The following TBC1D22A variants were observed in gnomAD, a reference collection of about 807,000 sequenced individuals.
TBC1D22A encodes TBC1 domain family member 22A.
In TBC1D22A, 38 loss-of-function variants were observed where a neutral mutation model predicts 60.2. The observed-to-expected ratio is 0.63, with a 90% CI of 0.49 to 0.83. TBC1D22A has a LOEUF of 0.83. Among genes scored for constraint, TBC1D22A ranks in the 40% least tolerant of loss-of-function variants. TBC1D22A has a pLI of 0.00. For missense variants in TBC1D22A, 628 were observed against 701.0 expected (o/e 0.90, Z 1.18); for synonymous variants, 302 against 281.7 (o/e 1.07, Z -0.72).
chr22:46,978,231 C>T (rs1342338037), intron 9 of TBC1D22A, among the ~76,000 whole-genome samples: 3 of 152,224 alleles, frequency 2.0e-5, no homozygotes, highest in Non-Finnish European at 2.9e-5. Context: ...TGGGACTCTG[C>T]ACTACAAACA....
chr22:47,067,538 G>A lies in TBC1D22A; in HGVS notation c.1329+30340G>A, dbSNP rs529769089. On this transcript the variant is annotated intron_variant, in intron 11 of 12. Transcript: ENST00000337137. Reference sequence around the variant, plus strand: ...GTACATCCACAGAGAATTCCCTTCTGATCAGTGCACAGTGAGTAAAGGCGC... The same window carrying A: ...GTACATCCACAGAGAATTCCCTTCTAATCAGTGCACAGTGAGTAAAGGCGC... Among the ~76,000 whole-genome samples, 10 of 152,272 alleles carry A rather than the reference G, an allele frequency of 6.6e-5. No homozygotes were observed. In the South Asian group the frequency reaches 2.1e-3, roughly 32 times the overall value.
chr22:47,167,236 G>T (rs531049662), intron 12 of TBC1D22A, among the ~76,000 whole-genome samples: 1 of 152,314 alleles, frequency 6.6e-6, no homozygotes, highest in African/African-American at 2.4e-5. Flanking sequence ...ACCCAGGCAG[G>T]TGCACAGCGG....
At position 46,872,860 on chromosome 22, in the gene TBC1D22A, A is replaced by G. The variant is rs899842579; in HGVS notation, c.638-5793A>G. ...GGGTGGGATTCTATGAGCTGGGGAA[A>G]GTCACCAAAAAGCAGTGAGTTGAAT... On this transcript the variant is annotated intron_variant, in intron 4 of 12. Coordinates refer to ENST00000337137, the MANE Select transcript of TBC1D22A (RefSeq NM_014346.5). 3.9e-5 allele frequency among the ~76,000 whole-genome samples: 6 copies of G among 152,192 alleles called. No homozygotes were observed. The East Asian group carries it at 1.2e-3, about 29-fold the overall frequency.
At chr22:46,807,938 G>A (rs1298113255) in intron 4 of TBC1D22A, among the ~76,000 whole-genome samples, 1 of 152,178 alleles carries the variant, frequency 6.6e-6, no homozygotes. Flanking sequence ...CTGCACTCCG[G>A]CCTGGGTGAC....
intron 11 of TBC1D22A, among the ~76,000 whole-genome samples, chr22:47,096,236 C>G (rs1029403759): frequency 6.6e-6 from 1 of 152,150 alleles, no homozygotes; most frequent in African/African-American, 2.4e-5. Flanking sequence ...CCTTGGCAGT[C>G]TGTGGTTTCG....
chr22:46,923,028 T>C (rs2070845275), intron 8 of TBC1D22A, among the ~76,000 whole-genome samples: 1 of 152,234 alleles, frequency 6.6e-6, no homozygotes, highest in Non-Finnish European at 1.5e-5. Flanking sequence ...CTTCCAGCTT[T>C]TGTCCATTCA....
intron 5 of TBC1D22A, among the ~76,000 whole-genome samples, chr22:46,881,910 T>C (rs183622227): frequency 6.6e-6 from 1 of 152,328 alleles, no homozygotes; most frequent in East Asian, 1.9e-4. Context: ...AGGAGAGATC[T>C]GGGAGCACAG....
In TBC1D22A at chr22:47,022,602, G is replaced by A. The variant is rs141305499; in HGVS notation, c.1202-14469G>A. Among the ~76,000 whole-genome samples, 793 of 151,982 alleles carry A rather than the reference G, an allele frequency of 5.2e-3. 10 individuals carry two copies. Among genetic ancestry groups the A allele is most frequent in the African/African-American group, 0.018 (753 of 41,446 alleles). ...AACAAAAACACCAAAGCTCTGCACGGGTTCCTTTCAGGTATTAAGCTGAAT... is the reference window on the plus strand; with the variant it reads ...AACAAAAACACCAAAGCTCTGCACGAGTTCCTTTCAGGTATTAAGCTGAAT... On this transcript the variant is annotated intron_variant, in intron 10 of 12. Transcript: ENST00000337137.
intron 8 of TBC1D22A, among the ~76,000 whole-genome samples, chr22:46,968,911 T>C (rs1372169894): frequency 6.6e-6 from 1 of 152,230 alleles, no homozygotes; most frequent in Non-Finnish European, 1.5e-5. Context: ...TACCCACCAT[T>C]CATCCACCCG....
At chr22:46,910,178 G>A (rs2069809255) in intron 7 of TBC1D22A, among the ~76,000 whole-genome samples, 1 of 152,184 alleles carries the variant, frequency 6.6e-6, no homozygotes, top group Non-Finnish European at 1.5e-5. Context: ...TCTCTCAGGT[G>A]CCTGCTGTGT....
At chr22:46,789,230 A>G (rs2084299584) in intron 1 of TBC1D22A, 1 of 254,450 alleles carries the variant, frequency 3.9e-6, no homozygotes, top group African/African-American at 2.4e-5. Context: ...GGTTCACGCC[A>G]TTCTCCTGCC....
At chr22:47,061,523 C>CA (rs1197271395) in intron 11 of TBC1D22A, among the ~76,000 whole-genome samples, 1 of 152,120 alleles carries the variant, frequency 6.6e-6, no homozygotes, top group Non-Finnish European at 1.5e-5. Flanking sequence ...AGCGCAGATC[C>CA]AAGGGTGGCT....
chr22:47,138,790 G>A (rs114270501), intron 12 of TBC1D22A, among the ~76,000 whole-genome samples: 3,262 of 152,246 alleles, frequency 0.021, 31 homozygotes, highest in Middle Eastern at 0.065. Context: ...GTGAGGGCCC[G>A]CTCCTGGTTC....
At chr22:46,937,418 A>G (rs937966438) in intron 8 of TBC1D22A, among the ~76,000 whole-genome samples, 1 of 152,326 alleles carries the variant, frequency 6.6e-6, no homozygotes, top group African/African-American at 2.4e-5. Context: ...TCTTAGCAGC[A>G]TGCATTAACC....
At chr22:47,096,581 G>T (rs906501638) in intron 11 of TBC1D22A, among the ~76,000 whole-genome samples, 8 of 152,124 alleles carry the variant, frequency 5.3e-5, no homozygotes, top group Admixed American at 1.3e-4. Flanking sequence ...CAGCACTTTG[G>T]GGGGCCGAGG....
intron 4 of TBC1D22A, among the ~76,000 whole-genome samples, chr22:46,807,793 A>G (rs1601947420): frequency 4.6e-5 from 7 of 152,112 alleles, no homozygotes; most frequent in Admixed American, 4.6e-4. Flanking sequence ...TAGGACATGA[A>G]GAGTTCGGTT....
At chr22:46,773,639 G>A (rs1030172011) in intron 1 of TBC1D22A, among the ~76,000 whole-genome samples, 1 of 151,970 alleles carries the variant, frequency 6.6e-6, no homozygotes, top group African/African-American at 2.4e-5. Flanking sequence ...TCATTTTTTT[G>A]TGTGTGTGTT....
intron 12 of TBC1D22A, among the ~76,000 whole-genome samples, chr22:47,161,453 CTAAA>C (rs1168643532): frequency 3.9e-5 from 6 of 152,184 alleles, no homozygotes; most frequent in African/African-American, 7.2e-5. Context: ...TTTTTAACTG[CTAAA>C]TAAATAAACA....
intron 12 of TBC1D22A, among the ~76,000 whole-genome samples, chr22:47,113,278 C>T (rs2065915198): frequency 1.3e-5 from 2 of 152,118 alleles, no homozygotes; most frequent in South Asian, 2.1e-4. Context: ...GGCTGGCTGC[C>T]GAGAGTCAGT....
Sources: allele counts gnomAD v4.1 joint callset (sites outside exome capture counted in the v4.1 genomes callset), GRCh38; gene constraint gnomAD v4.1.1; transcripts MANE v1.5; gene names NCBI Gene and HGNC (gene_info 2026-07-23, HGNC 2026-07-21).